Variants in PCYT1B observed in about 807,000 individuals in gnomAD.
PCYT1B encodes the protein phosphate cytidylyltransferase 1B, choline.
Under a neutral mutation model 26.4 loss-of-function variants are expected in PCYT1B, and 10 were observed. The observed-to-expected ratio is 0.38, with a 90% CI of 0.23 to 0.64. PCYT1B has a LOEUF of 0.64. Ranked by LOEUF, PCYT1B falls within the 30% of genes least tolerant of loss-of-function variation. The pLI, the probability that PCYT1B is intolerant of heterozygous loss-of-function variation, is 0.56. For synonymous variants in PCYT1B, 131 were observed against 108.4 expected, an observed-to-expected ratio of 1.21 and a Z score of -1.29; for missense variants, 161 against 292.7, an observed-to-expected ratio of 0.55 and a Z score of 3.28.
intron 1 of PCYT1B, among the ~76,000 whole-genome samples, chrX:24,646,574 C>A (rs780750035): frequency 9.0e-6 from 1 of 111,021 alleles, no homozygotes; most frequent in Non-Finnish European, 1.9e-5. Flanking sequence ...GCATTAGGCA[C>A]CAAAATCAGT....
At chrX:24,621,767 A>T in intron 1 of PCYT1B, 2 of 386,161 alleles carry the variant, frequency 5.2e-6, no homozygotes, top group African/African-American at 2.7e-5. Flanking sequence ...CCTTTTTCAC[A>T]TGACCTAAAA....
chrX:24,571,257 G>A (rs571323880), intron 7 of PCYT1B, among the ~76,000 whole-genome samples: 14 of 111,192 alleles, frequency 1.3e-4, no homozygotes, highest in East Asian at 5.6e-4. Flanking sequence ...CTAGCTACTC[G>A]GGAGGCTGAG....
intron 3 of PCYT1B, among the ~76,000 whole-genome samples, chrX:24,602,798 T>TTTTA (rs948542420): frequency 6.3e-5 from 7 of 111,685 alleles, no homozygotes; most frequent in Non-Finnish European, 9.4e-5. Context: ...TATTTACTTA[T>TTTTA]TTTATTTATT....
At chrX:24,656,999 G>C (rs183503064) in intron 1 of PCYT1B, among the ~76,000 whole-genome samples, 41 of 111,592 alleles carry the variant, frequency 3.7e-4, no homozygotes, top group Non-Finnish European at 3.8e-5. Flanking sequence ...CAAATATGAC[G>C]GCAGGGTTTT....
chrX:24,619,937 T>C (rs1177401211), intron 1 of PCYT1B, among the ~76,000 whole-genome samples: 2 of 112,709 alleles, frequency 1.8e-5, no homozygotes, highest in Non-Finnish European at 1.9e-5. Context: ...AGCGGTGTTT[T>C]TGTAAACAAG....
At chrX:24,581,391 G>T (rs1924202427) in intron 5 of PCYT1B, among the ~76,000 whole-genome samples, 1 of 112,031 alleles carries the variant, frequency 8.9e-6, no homozygotes, top group African/African-American at 3.2e-5. Flanking sequence ...GGCTGACCCT[G>T]CCTCAGCCCA....
chrX:24,572,266 GCA>G (rs753296581), intron 7 of PCYT1B, among the ~76,000 whole-genome samples: 1 of 98,994 alleles, frequency 1.0e-5, no homozygotes, highest in Non-Finnish European at 2.0e-5. Flanking sequence ...ACACGCGCGC[GCA>G]CACACACACA....
chrX:24,609,956 G>T (rs758465480), intron 2 of PCYT1B, among the ~76,000 whole-genome samples: 29 of 110,575 alleles, frequency 2.6e-4, no homozygotes, highest in African/African-American at 8.5e-4. Flanking sequence ...AGCCAGATAT[G>T]GTGGTAGGCG....
At chrX:24,574,358 T>C (rs61762681) in intron 7 of PCYT1B, among the ~76,000 whole-genome samples, 2,698 of 111,671 alleles carry the variant, frequency 0.024, 74 homozygotes, top group African/African-American at 0.081. Context: ...GGGAAGGGCA[T>C]GCACAATAGA....
intron 1 of PCYT1B, chrX:24,672,495 T>A: frequency 2.8e-6 from 2 of 719,490 alleles, no homozygotes; most frequent in Non-Finnish European, 4.3e-6. Flanking sequence ...CACTTGCAGA[T>A]ACATAGGACT....
rs141330600 is a variant in PCYT1B, at chrX:24,633,861, G to A, written c.117+13128C>T. ...TGATAATGTTATGTGAGGACTTACT[G>A]TATTTATTTTTCATGTCAAAAAATA... On this transcript the variant is annotated intron_variant, in intron 1 of 7. Transcript: ENST00000379144. Among the ~76,000 whole-genome samples the A allele has an allele frequency of 9.7e-4, 106 of 109,168 alleles. No individual in the cohort carries two copies. The East Asian group carries it at 0.023, about 24-fold the overall frequency. 94.8% of individuals were successfully genotyped at this position (109,168 alleles called of 115,157 possible).
intron 1 of PCYT1B, among the ~76,000 whole-genome samples, chrX:24,656,230 G>GGA (rs1304747679): frequency 1.3e-4 from 3 of 23,265 alleles, no homozygotes; most frequent in Non-Finnish European, 2.7e-4. Context: ...AGGGGGTCGC[G>GGA]GGGGGGGGTG....
chrX:24,583,917 CA>C (rs1168106875), intron 5 of PCYT1B, among the ~76,000 whole-genome samples: 1 of 112,244 alleles, frequency 8.9e-6, no homozygotes, highest in Non-Finnish European at 1.9e-5. Context: ...TGAATTTTCA[CA>C]AGATTCCACA....
rs370645419 is a variant in PCYT1B at position 24,618,944 on chromosome X, T to C, written c.217+41A>G. ...GGCCCCTTTCTGATACTTTAAAATGTCAAGACAGGGCCCATTTAAGACAAA... is the reference window on the plus strand; with the variant it reads ...GGCCCCTTTCTGATACTTTAAAATGCCAAGACAGGGCCCATTTAAGACAAA... On this transcript the variant is annotated intron_variant, in intron 2 of 7. Coordinates refer to ENST00000379144, the MANE Select transcript of PCYT1B (RefSeq NM_004845.5). 1.1e-5 allele frequency: 10 copies of C among 903,488 alleles called. No homozygotes were observed. The African/African-American group carries it at 2.0e-4, about 18-fold the overall frequency. 74.5% of individuals were successfully genotyped at this position (903,488 alleles called of 1,213,427 possible). A position where few individuals can be genotyped will look rare whatever the true frequency, so the allele number is the denominator to read the frequency against.
chrX:24,663,161 A>G (rs900377750), intron 1 of PCYT1B, among the ~76,000 whole-genome samples: 1 of 112,231 alleles, frequency 8.9e-6, no homozygotes, highest in African/African-American at 3.2e-5. Context: ...GCTTTCCCTA[A>G]TAAAAAAAAT....
At chrX:24,638,096 C>CATT (rs1555963651) in intron 1 of PCYT1B, among the ~76,000 whole-genome samples, 41 of 108,980 alleles carry the variant, frequency 3.8e-4, no homozygotes, top group Non-Finnish European at 5.5e-4. Flanking sequence ...AACCTATTAC[C>CATT]GTTGTTATTT....
intron 1 of PCYT1B, among the ~76,000 whole-genome samples, chrX:24,637,491 A>AAAAAAAAAAATATAT: frequency 1.9e-5 from 1 of 52,894 alleles, no homozygotes; most frequent in African/African-American, 1.5e-4. Flanking sequence ...AAAAAAAAAA[A>AAAAAAAAAAATATAT]ATATATATAT....
At chrX:24,589,685 G>A (rs1306568768) in intron 4 of PCYT1B, among the ~76,000 whole-genome samples, 4 of 111,563 alleles carry the variant, frequency 3.6e-5, no homozygotes, top group Non-Finnish European at 7.5e-5. Context: ...TTCAAAACAC[G>A]TCCACAAGGA....
At chrX:24,575,809 T>C (rs181145037) in intron 6 of PCYT1B, among the ~76,000 whole-genome samples, 1 of 112,615 alleles carries the variant, frequency 8.9e-6, no homozygotes, top group East Asian at 2.8e-4. Context: ...AGAACCTATG[T>C]GTTATACTAA....
Sources: gnomAD v4.1 joint callset for allele counts (sites outside exome capture counted in the v4.1 genomes callset) on GRCh38, gnomAD v4.1.1 for gene constraint, MANE v1.5 for transcripts, NCBI Gene and HGNC (gene_info 2026-07-23, HGNC 2026-07-21) for gene names.